The following CASZ1 variants were observed in gnomAD, a reference collection of about 807,000 sequenced individuals.
CASZ1 encodes castor zinc finger 1, also known as zinc finger protein castor homolog 1.
In CASZ1, 28 loss-of-function variants were observed where a neutral mutation model predicts 135.2. That is an observed-to-expected ratio of 0.21 (90% CI 0.15 to 0.28). The LOEUF is 0.28. Ranked by LOEUF, CASZ1 falls within the 10% of genes least tolerant of loss-of-function variation. CASZ1 has a pLI of 1.00. For missense variants in CASZ1, 2,161 were observed against 2,453.3 expected (o/e 0.88, Z 2.52); for synonymous variants, 1,068 against 1,073.4 (o/e 0.99, Z 0.10).
rs905304001 is a variant in CASZ1, at chr1:10,755,013, G to GC, written c.-77+5687dup. Among the ~76,000 whole-genome samples the GC allele has an allele frequency of 2.0e-5, 3 of 152,210 alleles. No homozygotes were observed. The highest frequency in any genetic ancestry group is 4.4e-5 in the Non-Finnish European group (3 of 68,044). ...CATAGCAAGGCCCAGGCTCAGAAAA[G>GC]CCCCTGCTTCGGAGGAAAGCCAAGG... On this transcript the variant is annotated intron_variant, in intron 2 of 20. Transcript: ENST00000377022. This position sits in a 1 kb window ranked among gnomAD's most constrained non-coding sequence, Gnocchi z 4.3.
At chr1:10,696,540 T>A (rs1638938304) in intron 3 of CASZ1, among the ~76,000 whole-genome samples, 1 of 152,188 alleles carries the variant, frequency 6.6e-6, no homozygotes, top group South Asian at 2.1e-4. Context: ...TGCCTCTGGG[T>A]GCTGCTCCCA....
At chr1:10,763,314 C>T (rs192111138) in intron 1 of CASZ1, among the ~76,000 whole-genome samples, 7 of 152,304 alleles carry the variant, frequency 4.6e-5, no homozygotes, top group Admixed American at 1.3e-4. Context: ...AACCAGGAGA[C>T]GTGGGTCCGA....
intron 2 of CASZ1, among the ~76,000 whole-genome samples, chr1:10,753,752 G>A (rs182071382): frequency 2.6e-5 from 4 of 152,272 alleles, no homozygotes; most frequent in African/African-American, 9.6e-5. Context: ...ATGAAACATC[G>A]AGAGAGTGCA....
At position 10,762,058 on chromosome 1, in the gene CASZ1, G is replaced by A. The variant is rs1269056797; in HGVS notation, c.-233-1201C>T. On this transcript the variant is annotated intron_variant, in intron 1 of 20. Transcript: ENST00000377022. The surrounding 1 kb of genome is among the most constrained non-coding windows in gnomAD (Gnocchi z 4.1). ...CCCTGCAGGTTCTCCAACTTGGCCC[G>A]GCCCTCAGAGTCCCCGGAGGCCTTG... 4.6e-5 allele frequency among the ~76,000 whole-genome samples: 7 copies of A among 152,208 alleles called. No individual in the cohort carries two copies. The highest frequency in any genetic ancestry group is 2.1e-4 in the South Asian group (1 of 4,814).
chr1:10,775,300 T>G (rs1640643633), intron 1 of CASZ1, among the ~76,000 whole-genome samples: 1 of 152,170 alleles, frequency 6.6e-6, no homozygotes, highest in Non-Finnish European at 1.5e-5. Flanking sequence ...TATCACCCCT[T>G]TCATTCCCTT....
At chr1:10,714,560 C>T (rs752808974) in intron 2 of CASZ1, among the ~76,000 whole-genome samples, 1 of 152,210 alleles carries the variant, frequency 6.6e-6, no homozygotes, top group Non-Finnish European at 1.5e-5. Flanking sequence ...CCCGCCACCA[C>T]CACTGGGCTG....
intron 4 of CASZ1, among the ~76,000 whole-genome samples, chr1:10,675,563 C>T (rs963630952): frequency 1.2e-4 from 19 of 152,242 alleles, no homozygotes; most frequent in Non-Finnish European, 2.6e-4. Flanking sequence ...CGGCCAACTC[C>T]GCACGGACCT....
rs765942705 is a variant in CASZ1, at chr1:10,727,203, G to A, written c.-76-21659C>T. On this transcript the variant is annotated intron_variant, in intron 2 of 20. Coordinates refer to ENST00000377022, the MANE Select transcript of CASZ1 (RefSeq NM_001079843.3). The surrounding 1 kb of genome is among the most constrained non-coding windows in gnomAD (Gnocchi z 5.3). ...CAGGGGTAGGGAGAGGCCCGCGACC[G>A]TCCCAGGCCTGTGGGAAGCTGGGAG... is the stretch of plus-strand genomic sequence containing the variant. Among the ~76,000 whole-genome samples the A allele has an allele frequency of 2.0e-5, 3 of 152,022 alleles. No homozygotes were observed. Among genetic ancestry groups the A allele is most frequent in the Non-Finnish European group, 2.9e-5 (2 of 67,988 alleles).
rs905335669 is a variant in CASZ1, at chr1:10,783,430, C to A, written c.-234+13134G>T. Among the ~76,000 whole-genome samples, 18 of 151,164 alleles carry A rather than the reference C, an allele frequency of 1.2e-4. No individual in the cohort carries two copies. The East Asian group carries it at 3.1e-3, about 26-fold the overall frequency. ...GAAAGGAGGGATGGAAAGAAGAAATCCAAATTAGGTCTCCAGAAGGAAAGG... is the reference window on the plus strand; with the variant it reads ...GAAAGGAGGGATGGAAAGAAGAAATACAAATTAGGTCTCCAGAAGGAAAGG... On this transcript the variant is annotated intron_variant, in intron 1 of 20. Transcript: ENST00000377022.
chr1:10,686,368 G>C (rs1221852194), intron 4 of CASZ1, among the ~76,000 whole-genome samples: 1 of 152,242 alleles, frequency 6.6e-6, no homozygotes, highest in Non-Finnish European at 1.5e-5. Flanking sequence ...CACGAGGTGG[G>C]GCCTGGAAAC....
At position 10,648,018 on chromosome 1, in the gene CASZ1, T is replaced by C. The variant is rs1352697267; in HGVS notation, c.3280A>G (p.Thr1094Ala). ...PSSPPVPPVT[T>A]ATVSSLEGPA... ...CCCTCCAGAGAGGACACCGTGGCCG[T>C]GGTGACAGGAGGGACCGGAGGGGAC... The change falls in exon 16 of 21, where the codon ACG becomes GCG. Residue 1094 changes from threonine to alanine, a missense_variant. By Grantham distance (58) the Thr-to-Ala change is moderately conservative. Coordinates refer to ENST00000377022, the MANE Select transcript of CASZ1 (RefSeq NM_001079843.3). 1 of 1,599,854 alleles carries C rather than the reference T, an allele frequency of 6.3e-7. No homozygotes were observed. The highest frequency in any genetic ancestry group is 2.2e-5 in the East Asian group (1 of 44,602).
intron 1 of CASZ1, among the ~76,000 whole-genome samples, chr1:10,792,219 G>T (rs1157911744): frequency 4.8e-5 from 6 of 126,154 alleles, no homozygotes; most frequent in African/African-American, 1.5e-4. Context: ...GGTGGAGTCA[G>T]TTTTTTTTTT....
At position 10,774,691 on chromosome 1, in the gene CASZ1, C is replaced by T. The variant is rs964590692; in HGVS notation, c.-233-13834G>A. Among the ~76,000 whole-genome samples the T allele has an allele frequency of 1.3e-5, 2 of 152,140 alleles. No individual in the cohort carries two copies. Among genetic ancestry groups the T allele is most frequent in the African/African-American group, 2.4e-5 (1 of 41,416 alleles). Reference sequence around the variant, plus strand: ...GGGTATCTCCCACCACCTGAGTCAACGCGGACCCCTCTCTTCCCCAAGTGT... The same window carrying T: ...GGGTATCTCCCACCACCTGAGTCAATGCGGACCCCTCTCTTCCCCAAGTGT... On this transcript the variant is annotated intron_variant, in intron 1 of 20. Transcript: ENST00000377022. The surrounding 1 kb of genome is among the most constrained non-coding windows in gnomAD (Gnocchi z 4.4).
At chr1:10,643,489 C>A (rs1046327137) in intron 18 of CASZ1, among the ~76,000 whole-genome samples, 178 bp from the exon 19 acceptor site, 9 of 152,214 alleles carry the variant, frequency 5.9e-5, no homozygotes, top group African/African-American at 2.2e-4. Context: ...AAGTCCAAAG[C>A]CCCCTGGCTG....
chr1:10,688,294 A>G (rs912469203), intron 4 of CASZ1, among the ~76,000 whole-genome samples: 1 of 152,224 alleles, frequency 6.6e-6, no homozygotes, highest in African/African-American at 2.4e-5. Flanking sequence ...TCCAGGGCCA[A>G]CGGGGTGTGA....
rs1326593898 is a variant in CASZ1, at chr1:10,788,524, G to C, written c.-234+8040C>G. Among the ~76,000 whole-genome samples the C allele has an allele frequency of 6.6e-6, 1 of 152,168 alleles. No homozygotes were observed. Among genetic ancestry groups the C allele is most frequent in the Non-Finnish European group, 1.5e-5 (1 of 68,012 alleles). ...ATGCTTACGAGATTTTTTTTATTAA[G>C]AGGATTCTCAAAGGGGGCACATGGA... On this transcript the variant is annotated intron_variant, in intron 1 of 20. Transcript: ENST00000377022. This position sits in a 1 kb window ranked among gnomAD's most constrained non-coding sequence, Gnocchi z 4.1.
Position 10,712,303 on chromosome 1 carries a change from C to G in CASZ1, c.-76-6759G>C, listed in dbSNP as rs144019933. ...GGAAGTTGCAGTGAGCCACAATCGC[C>G]TCATTGCACTCCAGCCTGGAAGACA... On this transcript the variant is annotated intron_variant, in intron 2 of 20. Coordinates refer to ENST00000377022, the MANE Select transcript of CASZ1 (RefSeq NM_001079843.3). Among the ~76,000 whole-genome samples the G allele has an allele frequency of 7.4e-3, 1,127 of 152,166 alleles. 16 individuals are homozygous for G. The highest frequency in any genetic ancestry group is 0.026 in the African/African-American group (1,064 of 41,504).
At chr1:10,648,808 C>A in intron 15 of CASZ1, 1 of 499,922 alleles carries the variant, frequency 2.0e-6, no homozygotes, top group Non-Finnish European at 3.6e-6. Flanking sequence ...GGACTGATGG[C>A]TGCCCTGGGG....
chr1:10,737,785 C>T (rs1639828852), intron 2 of CASZ1, among the ~76,000 whole-genome samples: 1 of 152,198 alleles, frequency 6.6e-6, no homozygotes, highest in African/African-American at 2.4e-5. Context: ...GACAGTGGGC[C>T]GAGGTGCTCG....
Sources: allele counts gnomAD v4.1 joint callset (sites outside exome capture counted in the v4.1 genomes callset), GRCh38; gene constraint gnomAD v4.1.1; non-coding constraint Gnocchi (gnomAD v3.1); transcripts MANE v1.5; gene names NCBI Gene and HGNC (gene_info 2026-07-23, HGNC 2026-07-21).